The following RAPGEF4 variants were observed in gnomAD, a reference collection of about 807,000 sequenced individuals.
RAPGEF4 encodes the protein Rap guanine nucleotide exchange factor 4.
A neutral mutation model predicts 147.9 loss-of-function variants in RAPGEF4; 66 were observed. The ratio of observed to expected loss-of-function variants is 0.45; its 90% CI spans 0.37 to 0.55. The LOEUF (loss-of-function observed/expected upper bound fraction) is 0.55, where lower values mean the gene tolerates loss of function less well. RAPGEF4 is among the 20% of genes least tolerant of loss of function. RAPGEF4 has a pLI of 0.00. For missense variants in RAPGEF4, 1,071 were observed against 1,257.3 expected (o/e 0.85, Z 2.24); for synonymous variants, 419 against 442.7 (o/e 0.95, Z 0.67).
chr2:172,834,848 T>A (rs1690747987), intron 4 of RAPGEF4, among the ~76,000 whole-genome samples: 1 of 152,244 alleles, frequency 6.6e-6, no homozygotes, highest in Non-Finnish European at 1.5e-5. Context: ...AGAATTTTTT[T>A]ATTAAATTCT....
intron 1 of RAPGEF4, among the ~76,000 whole-genome samples, chr2:172,741,116 A>G (rs146328075): frequency 6.6e-4 from 100 of 152,314 alleles, no homozygotes; most frequent in Middle Eastern, 6.8e-3. Flanking sequence ...GATGATAATG[A>G]GAAGGCAGTT....
chr2:172,784,495 G>A (rs1432945368), intron 1 of RAPGEF4, among the ~76,000 whole-genome samples: 1 of 149,802 alleles, frequency 6.7e-6, no homozygotes, highest in Non-Finnish European at 1.5e-5. Context: ...TCCAGCCTGG[G>A]CAACAGAGCG....
rs529275866 is a variant in RAPGEF4, at chr2:172,759,553, C to T, written c.65+23505C>T. ...ATGATCACAGCTGAGGCATGCGAGC[C>T]GCTGTGAAACTCAGAAGTGATATTA... On this transcript the variant is annotated intron_variant, in intron 1 of 30. Transcript: ENST00000397081. 5.5e-4 allele frequency among the ~76,000 whole-genome samples: 83 copies of T among 152,140 alleles called. 1 individual carries two copies. The highest frequency in any genetic ancestry group is 5.5e-4 in the African/African-American group (23 of 41,504).
At chr2:172,795,612 A>AT (rs1281915607) in intron 2 of RAPGEF4, among the ~76,000 whole-genome samples, 4 of 152,186 alleles carry the variant, frequency 2.6e-5, no homozygotes, top group African/African-American at 9.7e-5. Context: ...TAACAGTTGG[A>AT]TTTTTTAAAA....
intron 8 of RAPGEF4, among the ~76,000 whole-genome samples, chr2:172,964,401 A>ATT (rs11374637): frequency 0.046 from 5,278 of 115,132 alleles, 411 homozygotes; most frequent in African/African-American, 0.13. Context: ...TGCTCCTCCT[A>ATT]TTTTTTTTTT....
In RAPGEF4 at chr2:172,841,791, A is replaced by AACACACACACACACACACACACAC. The variant is rs3064818; in HGVS notation, c.444+27369_444+27392dup. On this transcript the variant is annotated intron_variant, in intron 4 of 30. Transcript: ENST00000397081. ...ATCCAAATCTACATGTTGGCTGAAT[A>AACACACACACACACACACACACAC]ACACACACACACACACACACACACA... 2.7e-3 allele frequency among the ~76,000 whole-genome samples: 402 copies of AACACACACACACACACACACACAC among 147,058 alleles called. 1 individual carries two copies. Among genetic ancestry groups the AACACACACACACACACACACACAC allele is most frequent in the South Asian group, 4.4e-3 (20 of 4,558 alleles).
rs563492773 is a variant in RAPGEF4, at chr2:172,971,246, A to G, written c.1004+3802A>G. On this transcript the variant is annotated intron_variant, in intron 10 of 30. Coordinates refer to ENST00000397081, the MANE Select transcript of RAPGEF4 (RefSeq NM_007023.4). ...TCAAGGAGACAGGACGCTCTGCTGT[A>G]CAAGCCTTCCAACCACTCCTTCCAA... is the stretch of plus-strand genomic sequence containing the variant. Among the ~76,000 whole-genome samples, 50 of 152,328 alleles carry G rather than the reference A, an allele frequency of 3.3e-4. 1 individual carries two copies. The South Asian group carries it at 0.01, about 31-fold the overall frequency.
At chr2:172,964,474 A>C (rs1689629880) in intron 8 of RAPGEF4, among the ~76,000 whole-genome samples, 1 of 144,932 alleles carries the variant, frequency 6.9e-6, no homozygotes, top group African/African-American at 2.6e-5. Flanking sequence ...GGCCAAAGTC[A>C]CATAGCTAAG....
intron 1 of RAPGEF4, among the ~76,000 whole-genome samples, chr2:172,758,181 T>C (rs1269059123): frequency 6.6e-6 from 1 of 152,078 alleles, no homozygotes; most frequent in Non-Finnish European, 1.5e-5. Context: ...TAAGAATTCC[T>C]GGCAATGGGA....
In RAPGEF4 at chr2:172,871,817, A is replaced by T. The variant is rs962185140; in HGVS notation, c.445-45985A>T. On this transcript the variant is annotated intron_variant, in intron 4 of 30. Coordinates refer to ENST00000397081, the MANE Select transcript of RAPGEF4 (RefSeq NM_007023.4). ...AAGACACTTTCCAATTCACTTTTAC[A>T]TGGCTGTTTAATCCTCCCAGTAGTT... 2.0e-5 allele frequency among the ~76,000 whole-genome samples: 3 copies of T among 152,210 alleles called. No individual in the cohort carries two copies. The East Asian group carries it at 5.8e-4, about 29-fold the overall frequency.
intron 3 of RAPGEF4, among the ~76,000 whole-genome samples, chr2:172,809,208 G>A (rs1370368299): frequency 6.6e-6 from 1 of 152,148 alleles, no homozygotes; most frequent in African/African-American, 2.4e-5. Context: ...AGTGTGGGGA[G>A]GGGCCAAGGC....
At chr2:173,020,490 T>C (rs1468328367) in intron 22 of RAPGEF4, 128 bp from the exon 23 acceptor site, 4 of 800,226 alleles carry the variant, frequency 5.0e-6, no homozygotes, top group Non-Finnish European at 6.5e-6. Flanking sequence ...CCTTCAGTAC[T>C]CTATTTTATG....
intron 4 of RAPGEF4, among the ~76,000 whole-genome samples, chr2:172,897,208 G>A (rs1227679512): frequency 1.4e-4 from 21 of 152,046 alleles, no homozygotes; most frequent in Admixed American, 1.2e-3. Context: ...ACCCATTTAT[G>A]TTGTATAATT....
intron 1 of RAPGEF4, among the ~76,000 whole-genome samples, chr2:172,760,018 C>T (rs1315938739): frequency 6.6e-6 from 1 of 152,132 alleles, no homozygotes; most frequent in Non-Finnish European, 1.5e-5. Flanking sequence ...TGACAGCTAC[C>T]CAGAAACACC....
At chr2:172,895,659 G>A (rs910960980) in intron 4 of RAPGEF4, among the ~76,000 whole-genome samples, 2 of 152,140 alleles carry the variant, frequency 1.3e-5, no homozygotes, top group Non-Finnish European at 2.9e-5. Flanking sequence ...CGAATTTTGT[G>A]TTGACATAAT....
At chr2:172,912,265 G>A (rs1337913685) in intron 4 of RAPGEF4, among the ~76,000 whole-genome samples, 1 of 152,076 alleles carries the variant, frequency 6.6e-6, no homozygotes, top group Non-Finnish European at 1.5e-5. Flanking sequence ...AATCTTAATA[G>A]GTTTCTTATG....
At chr2:172,988,868 G>A in intron 14 of RAPGEF4, 29 bp downstream of exon 14, 1 of 1,604,858 alleles carries the variant, frequency 6.2e-7, no homozygotes, top group Non-Finnish European at 8.5e-7. Flanking sequence ...GTGGCTGAGA[G>A]ACAGCCCATT....
chr2:172,897,639 G>A (rs1317948421), intron 4 of RAPGEF4, among the ~76,000 whole-genome samples: 1 of 151,868 alleles, frequency 6.6e-6, no homozygotes, highest in Non-Finnish European at 1.5e-5. Flanking sequence ...TGGCCTCAAA[G>A]GATCCTCTCA....
intron 1 of RAPGEF4, among the ~76,000 whole-genome samples, chr2:172,776,460 A>AT (rs1211708869): frequency 6.6e-6 from 1 of 152,082 alleles, no homozygotes; most frequent in African/African-American, 2.4e-5. Context: ...TTTTGGGCGT[A>AT]TTTACTGCCT....
Sources: allele counts gnomAD v4.1 joint callset (sites outside exome capture counted in the v4.1 genomes callset), GRCh38; gene constraint gnomAD v4.1.1; transcripts MANE v1.5; gene names NCBI Gene and HGNC (gene_info 2026-07-23, HGNC 2026-07-21).